Variants in DENND2B observed in about 807,000 individuals in gnomAD.
DENND2B encodes DENN domain containing 2B.
A neutral mutation model predicts 116.0 loss-of-function variants in DENND2B; 32 were observed. That is an observed-to-expected ratio of 0.28 (90% CI 0.21 to 0.37). The LOEUF (loss-of-function observed/expected upper bound fraction) is 0.37. DENND2B is among the 10% of genes least tolerant of loss of function. DENND2B has a pLI of 1.00. For synonymous variants in DENND2B, 588 were observed against 583.9 expected, an observed-to-expected ratio of 1.01 and a Z score of -0.10; for missense variants, 1,276 against 1,477.7, an observed-to-expected ratio of 0.86 and a Z score of 2.24.
chr11:8,773,415 T>C (rs894427296), intron 1 of DENND2B, among the ~76,000 whole-genome samples: 3 of 152,062 alleles, frequency 2.0e-5, no homozygotes, highest in African/African-American at 7.2e-5. Flanking sequence ...CTCCATGCCA[T>C]CAAACATGAG....
chr11:8,781,615 TACACACACACACAC>T (rs35118063), intron 1 of DENND2B, among the ~76,000 whole-genome samples: 12 of 148,914 alleles, frequency 8.1e-5, no homozygotes, highest in African/African-American at 2.2e-4. Context: ...AATTTAGGAA[TACACACACACACAC>T]ACACACACAC....
At chr11:8,859,061 G>C (rs914699962) in intron 2 of DENND2B, among the ~76,000 whole-genome samples, 1 of 152,134 alleles carries the variant, frequency 6.6e-6, no homozygotes, top group African/African-American at 2.4e-5. Flanking sequence ...AGCTCCAAAG[G>C]CCTCCATTTG....
At chr11:8,842,144 T>C (rs1265624445) in intron 3 of DENND2B, among the ~76,000 whole-genome samples, 3 of 152,218 alleles carry the variant, frequency 2.0e-5, no homozygotes. Flanking sequence ...CGGCACATAG[T>C]AGGTCCCCGG....
At chr11:8,765,853 C>T (rs1237577430) in intron 1 of DENND2B, among the ~76,000 whole-genome samples, 2 of 152,064 alleles carry the variant, frequency 1.3e-5, no homozygotes, top group African/African-American at 4.8e-5. Flanking sequence ...GCCTGGCCAA[C>T]ATGGTGAAAC....
intron 1 of DENND2B, among the ~76,000 whole-genome samples, chr11:8,756,062 C>T (rs540353343): frequency 3.3e-5 from 5 of 152,312 alleles, no homozygotes; most frequent in African/African-American, 1.2e-4. Context: ...ACTTGCTAAG[C>T]ATCAGTTTTC....
At chr11:8,791,947 G>A (rs552497799) in intron 1 of DENND2B, among the ~76,000 whole-genome samples, 1 of 152,080 alleles carries the variant, frequency 6.6e-6, no homozygotes, top group South Asian at 2.1e-4. Flanking sequence ...GCTCATGCCT[G>A]TAATCCCAGC....
In DENND2B at chr11:8,910,632, AG is replaced by A. The variant is rs1467820230; in HGVS notation, c.-256+188del. ...TGGTACCCCATAACCACTCCTGGCT[AG>A]TGTGTGTGTGTGTGTGTGGACACGG... On this transcript the variant is annotated intron_variant, in intron 1 of 22. Coordinates refer to the DENND2B transcript ENST00000534127. Among the ~76,000 whole-genome samples the A allele has an allele frequency of 4.0e-3, 258 of 64,176 alleles. 10 individuals are homozygous for A. Among genetic ancestry groups the A allele is most frequent in the African/African-American group, 0.012 (247 of 20,444 alleles). The allele number at this position is 64,176 out of a possible 152,430, so 42.1% of individuals were successfully genotyped here. A position where few individuals can be genotyped will look rare whatever the true frequency, so the allele number is the denominator to read the frequency against.
chr11:8,771,217 T>C (rs943457535), intron 1 of DENND2B, among the ~76,000 whole-genome samples: 1 of 152,138 alleles, frequency 6.6e-6, no homozygotes, highest in Non-Finnish European at 1.5e-5. Context: ...GCACAAAAGA[T>C]TTCAGAGGAG....
chr11:8,798,844 T>G (rs906535386), intron 1 of DENND2B, among the ~76,000 whole-genome samples: 7 of 151,592 alleles, frequency 4.6e-5, no homozygotes, highest in African/African-American at 1.7e-4. Flanking sequence ...TTTTTTTTTT[T>G]TAGACGGAGT....
Position 8,769,900 on chromosome 11 carries a change from G to A in DENND2B, c.-25-19175C>T, listed in dbSNP as rs148880161. On this transcript the variant is annotated intron_variant, in intron 1 of 19. Coordinates refer to ENST00000313726, the MANE Select transcript of DENND2B (RefSeq NM_213618.2). ...AGTCTCAGCACTGTGGGAGGCCAAG[G>A]CAGGCAGATCACCTGAACCCAGGAG... is the stretch of plus-strand genomic sequence containing the variant. Among the ~76,000 whole-genome samples the A allele has an allele frequency of 3.5e-4, 54 of 152,298 alleles. 1 individual carries two copies. The highest frequency in any genetic ancestry group is 6.0e-4 in the African/African-American group (25 of 41,574).
At chr11:8,762,021 T>C (rs553235158) in intron 1 of DENND2B, among the ~76,000 whole-genome samples, 1 of 152,206 alleles carries the variant, frequency 6.6e-6, no homozygotes, top group Non-Finnish European at 1.5e-5. Context: ...CCTCACTCTT[T>C]TAGCTGCCTC....
intron 1 of DENND2B, among the ~76,000 whole-genome samples, chr11:8,779,145 G>A (rs2058070445): frequency 6.6e-6 from 1 of 152,232 alleles, no homozygotes; most frequent in South Asian, 2.1e-4. Context: ...TAGAAAGACA[G>A]GACAATGGAG....
chr11:8,765,623 A>C (rs1358202339), intron 1 of DENND2B, among the ~76,000 whole-genome samples: 1 of 152,266 alleles, frequency 6.6e-6, no homozygotes, highest in African/African-American at 2.4e-5. Context: ...TGCAGTACCT[A>C]GTACATCCCA....
At chr11:8,844,993 C>T (rs2062761980) in intron 3 of DENND2B, among the ~76,000 whole-genome samples, 2 of 151,998 alleles carry the variant, frequency 1.3e-5, no homozygotes, top group African/African-American at 2.4e-5. Context: ...CCTCCTGCCT[C>T]GGCTTTCCAA....
At chr11:8,821,746 T>C (rs994760639) in intron 4 of DENND2B, among the ~76,000 whole-genome samples, 1 of 152,232 alleles carries the variant, frequency 6.6e-6, no homozygotes, top group Non-Finnish European at 1.5e-5. Flanking sequence ...TTTTTCCTTT[T>C]TACTAAATTC....
chr11:8,817,480 C>T (rs2061608224), intron 4 of DENND2B, among the ~76,000 whole-genome samples: 1 of 152,052 alleles, frequency 6.6e-6, no homozygotes, highest in African/African-American at 2.4e-5. Context: ...GAAGTTTTCC[C>T]AGGTCCTTAC....
At chr11:8,764,481 A>C (rs2055260845) in intron 1 of DENND2B, among the ~76,000 whole-genome samples, 1 of 152,242 alleles carries the variant, frequency 6.6e-6, no homozygotes, top group African/African-American at 2.4e-5. Flanking sequence ...ATGGATGAAG[A>C]AGCTGAGGCT....
At chr11:8,741,458 A>G (rs1348057935) in intron 2 of DENND2B, among the ~76,000 whole-genome samples, 1 of 152,188 alleles carries the variant, frequency 6.6e-6, no homozygotes, top group Non-Finnish European at 1.5e-5. Flanking sequence ...TCCAGTAAAG[A>G]CTGGGCTGCT....
chr11:8,893,796 C>A (rs2064063610), intron 1 of DENND2B, among the ~76,000 whole-genome samples: 2 of 152,040 alleles, frequency 1.3e-5, no homozygotes, highest in South Asian at 4.2e-4. Flanking sequence ...TAGGAAGAAT[C>A]AATATTGTGA....
Sources: allele counts gnomAD v4.1 joint callset (sites outside exome capture counted in the v4.1 genomes callset), GRCh38; gene constraint gnomAD v4.1.1; transcripts MANE v1.5; gene names NCBI Gene and HGNC (gene_info 2026-07-23, HGNC 2026-07-21).